PRIM2: variants seen among roughly 807,000 people sequenced by gnomAD.
The protein encoded by PRIM2 is DNA primase subunit 2.
PRIM2 carries 39 observed loss-of-function variants against 67.3 expected under a neutral mutation model. That is an observed-to-expected ratio of 0.58 (90% CI 0.45 to 0.76). The LOEUF is 0.76. Among genes scored for constraint, PRIM2 ranks in the 30% least tolerant of loss-of-function variants. The probability of loss-of-function intolerance (pLI) is 0.00; values close to 1 mark genes in which losing one functional copy is unlikely to be tolerated. For missense variants in PRIM2, 398 were observed against 598.7 expected (o/e 0.66, Z 3.50); for synonymous variants, 143 against 198.7 (o/e 0.72, Z 2.36).
chr6:57,380,042 G>T lies in PRIM2; in HGVS notation c.555+46G>T, dbSNP rs551722434. 1.2e-5 allele frequency: 18 copies of T among 1,460,182 alleles called. No homozygotes were observed. In the East Asian group the frequency reaches 3.0e-4, roughly 24 times the overall value. 90.5% of individuals were successfully genotyped at this position (1,460,182 alleles called of 1,614,324 possible). ...CTTCCTAGGTTTTGTTAAATATGTC[G>T]CATTGAGCTTTATATACATATTTAA... On this transcript the variant is annotated intron_variant, in intron 6 of 13. Coordinates refer to ENST00000615550, the MANE Select transcript of PRIM2 (RefSeq NM_000947.5).
chr6:57,235,617 T>A, the PRIM2 span, among the ~76,000 whole-genome samples: 1 of 152,228 alleles, frequency 6.6e-6, no homozygotes, highest in Non-Finnish European at 1.5e-5. Context: ...GTTGTCCACA[T>A]CTTATCCTTG....
At chr6:57,238,015 A>C in the PRIM2 span, among the ~76,000 whole-genome samples, 1 of 152,192 alleles carries the variant, frequency 6.6e-6, no homozygotes, top group East Asian at 1.9e-4. Flanking sequence ...AGAGCTGACT[A>C]TCCTAAATAT....
chr6:57,270,585 T>C, the PRIM2 span, among the ~76,000 whole-genome samples: 1 of 152,224 alleles, frequency 6.6e-6, no homozygotes, highest in Non-Finnish European at 1.5e-5. Context: ...AGGAACGATT[T>C]GACTTCCTCC....
the PRIM2 span, among the ~76,000 whole-genome samples, chr6:57,234,297 A>C: frequency 6.6e-6 from 1 of 152,224 alleles, no homozygotes; most frequent in East Asian, 1.9e-4. Context: ...CTTATGAAAC[A>C]CAAAAGGGTA....
the PRIM2 span, among the ~76,000 whole-genome samples, chr6:57,261,063 G>A: frequency 6.6e-6 from 1 of 152,206 alleles, no homozygotes; most frequent in African/African-American, 2.4e-5. Context: ...TGCAAGCCAT[G>A]TGTATTTTCA....
rs1223223402 is a variant in PRIM2 at position 57,631,707 on chromosome 6, C to T, written c.1231-426C>T. Among the ~76,000 whole-genome samples the T allele has an allele frequency of 4.6e-5, 7 of 151,822 alleles. No individual in the cohort carries two copies. The South Asian group carries it at 1.0e-3, about 23-fold the overall frequency. ...ATGCTGTATCTGTATAAACCATTAA[C>T]GTGGAAAATAAATATCTAAATAGTA... On this transcript the variant is annotated intron_variant, in intron 12 of 13. Transcript: ENST00000615550.
chr6:57,641,369 A>G (rs1396047429), intron 13 of PRIM2, among the ~76,000 whole-genome samples: 1 of 152,218 alleles, frequency 6.6e-6, no homozygotes, highest in Non-Finnish European at 1.5e-5. Flanking sequence ...CAACGGCAAC[A>G]AAAGCCAAAA....
chr6:57,432,483 A>C (rs964157559), intron 7 of PRIM2, among the ~76,000 whole-genome samples: 4 of 152,230 alleles, frequency 2.6e-5, no homozygotes, highest in Non-Finnish European at 5.9e-5. Flanking sequence ...CAGAAAATGT[A>C]CAAAAAGAAA....
intron 13 of PRIM2, among the ~76,000 whole-genome samples, chr6:57,640,391 A>T (rs1319548862): frequency 6.6e-6 from 1 of 152,088 alleles, no homozygotes; most frequent in African/African-American, 2.4e-5. Context: ...AGCCAGGGCA[A>T]TCAGGCAAGA....
chr6:57,333,921 A>C (rs1425340730), intron 5 of PRIM2, among the ~76,000 whole-genome samples: 1 of 152,204 alleles, frequency 6.6e-6, no homozygotes, highest in Non-Finnish European at 1.5e-5. Context: ...GAAAATACTT[A>C]ATATCCACTC....
chr6:57,336,989 G>A (rs1052274194), intron 5 of PRIM2, among the ~76,000 whole-genome samples: 37 of 152,224 alleles, frequency 2.4e-4, no homozygotes, highest in Middle Eastern at 3.4e-3. Context: ...GACACACATA[G>A]CCTCAAAATA....
rs1776355915 is a variant in PRIM2 at position 57,595,827 on chromosome 6, A to G, written c.1021-5266A>G. Reference sequence around the variant, plus strand: ...ATCCCAGATGCTTTCTAAACCCTGTAGTTTAGGGATTTTTATGGAGCCTTC... The same window carrying G: ...ATCCCAGATGCTTTCTAAACCCTGTGGTTTAGGGATTTTTATGGAGCCTTC... On this transcript the variant is annotated intron_variant, in intron 10 of 13. Coordinates refer to ENST00000615550, the MANE Select transcript of PRIM2 (RefSeq NM_000947.5). 2.6e-5 allele frequency among the ~76,000 whole-genome samples: 4 copies of G among 152,030 alleles called. No individual in the cohort carries two copies. The South Asian group carries it at 8.3e-4, about 32-fold the overall frequency.
intron 12 of PRIM2, among the ~76,000 whole-genome samples, chr6:57,609,985 G>A (rs1225133915): frequency 9.2e-5 from 14 of 152,196 alleles, no homozygotes; most frequent in African/African-American, 3.4e-4. Flanking sequence ...TCATTAAAAT[G>A]TATGTAAGGT....
chr6:57,460,996 C>T (rs879267775), intron 7 of PRIM2, among the ~76,000 whole-genome samples: 2 of 152,170 alleles, frequency 1.3e-5, no homozygotes, highest in Non-Finnish European at 1.5e-5. Flanking sequence ...CTAGAAGTCT[C>T]TCATCTCATC....
chr6:57,536,350 G>A (rs1465402706), intron 9 of PRIM2, among the ~76,000 whole-genome samples: 2 of 152,214 alleles, frequency 1.3e-5, no homozygotes, highest in African/African-American at 2.4e-5. Flanking sequence ...TTGGCACTAA[G>A]GCACTAACTA....
At position 57,352,242 on chromosome 6, in the gene PRIM2, T is replaced by G. The variant is rs2127301484; in HGVS notation, c.459+26197T>G. On this transcript the variant is annotated intron_variant, in intron 5 of 13. Coordinates refer to ENST00000615550, the MANE Select transcript of PRIM2 (RefSeq NM_000947.5). ...AGTATTTTTATTTAAAAGTGTTCAC[T>G]TTTCTTTTCTTTTTTTGAGCCAGAG... Among the ~76,000 whole-genome samples the G allele has an allele frequency of 1.3e-5, 2 of 152,346 alleles. 1 individual carries two copies. The highest frequency in any genetic ancestry group is 4.1e-4 in the South Asian group (2 of 4,822).
intron 12 of PRIM2, among the ~76,000 whole-genome samples, chr6:57,630,718 A>G (rs1160662489): frequency 1.3e-5 from 2 of 152,066 alleles, no homozygotes; most frequent in African/African-American, 4.8e-5. Context: ...TACTTCTCCA[A>G]AATTCTAATT....
chr6:57,555,427 G>A (rs1213287569), intron 10 of PRIM2, among the ~76,000 whole-genome samples: 1 of 151,990 alleles, frequency 6.6e-6, no homozygotes, highest in African/African-American at 2.4e-5. Context: ...CTATAGTTGT[G>A]CACCACCACG....
chr6:57,396,608 A>G (rs1770523507), intron 7 of PRIM2, among the ~76,000 whole-genome samples: 1 of 152,186 alleles, frequency 6.6e-6, no homozygotes, highest in African/African-American at 2.4e-5. Flanking sequence ...TCCATTCTGC[A>G]ATTCTGTATC....
Sources: gnomAD v4.1 joint callset for allele counts (sites outside exome capture counted in the v4.1 genomes callset) on GRCh38, gnomAD v4.1.1 for gene constraint, MANE v1.5 for transcripts, NCBI Gene and HGNC (gene_info 2026-07-23, HGNC 2026-07-21) for gene names.